The following PCNX2 variants were observed in gnomAD, a reference collection of about 807,000 sequenced individuals.
PCNX2 encodes the protein pecanex 2.
Under a neutral mutation model 223.8 loss-of-function variants are expected in PCNX2, and 168 were observed. The observed-to-expected ratio is 0.75, with a 90% CI of 0.66 to 0.85. PCNX2 has a LOEUF of 0.85. Among genes scored for constraint, PCNX2 ranks in the 40% least tolerant of loss-of-function variants. PCNX2 has a pLI of 0.00. For synonymous variants in PCNX2, 1,006 were observed against 1,052.6 expected (o/e 0.96, Z 0.86); for missense variants, 2,507 against 2,675.5 (o/e 0.94, Z 1.39).
intron 25 of PCNX2, among the ~76,000 whole-genome samples, chr1:233,050,185 T>G (rs1436138204): frequency 6.6e-6 from 1 of 152,048 alleles, no homozygotes; most frequent in Admixed American, 6.5e-5. Flanking sequence ...CGTGTATATC[T>G]ATGTAACAAA....
At chr1:233,098,951 T>C (rs1571865380) in intron 21 of PCNX2, among the ~76,000 whole-genome samples, 1 of 152,204 alleles carries the variant, frequency 6.6e-6, no homozygotes, top group Non-Finnish European at 1.5e-5. Context: ...GTTTGATAAA[T>C]GTTAGGACAA....
intron 23 of PCNX2, among the ~76,000 whole-genome samples, chr1:233,066,963 AC>A (rs750113638): frequency 4.1e-4 from 62 of 151,914 alleles, no homozygotes; most frequent in Non-Finnish European, 7.5e-4. Flanking sequence ...CTGAACTCCC[AC>A]CCCCTATCAA....
At chr1:233,170,465 G>C (rs1009122532) in intron 17 of PCNX2, among the ~76,000 whole-genome samples, 5 of 152,108 alleles carry the variant, frequency 3.3e-5, no homozygotes, top group African/African-American at 1.2e-4. Flanking sequence ...GTATGTACAA[G>C]TCTTCTGCCT....
rs555925090 is a variant in PCNX2, at chr1:233,063,509, C to A, written c.4077-6219G>T. ...GTATAGAATTCTTCTATTGGTCATA[C>A]ATACTGTTATTAATTAGTATCCATT... On this transcript the variant is annotated intron_variant, in intron 23 of 33. Coordinates refer to ENST00000258229, the MANE Select transcript of PCNX2 (RefSeq NM_014801.4). Among the ~76,000 whole-genome samples, 4 of 152,192 alleles carry A rather than the reference C, an allele frequency of 2.6e-5. No homozygotes were observed. In the South Asian group the frequency reaches 8.3e-4, roughly 32 times the overall value.
At position 233,232,421 on chromosome 1, in the gene PCNX2, T is replaced by C. The variant is rs1183435245; in HGVS notation, c.2358+4424A>G. On this transcript the variant is annotated intron_variant, in intron 9 of 33. Transcript: ENST00000258229. ...TATTCAGTAGGTTAGATGTATTAAATGCATTTTCAACTTACGATATTTTCA... is the reference window on the plus strand; with the variant it reads ...TATTCAGTAGGTTAGATGTATTAAACGCATTTTCAACTTACGATATTTTCA... 2.6e-5 allele frequency among the ~76,000 whole-genome samples: 4 copies of C among 152,344 alleles called. No individual in the cohort carries two copies. The East Asian group carries it at 7.7e-4, about 29-fold the overall frequency.
At position 233,294,997 on chromosome 1, in the gene PCNX2, C is replaced by A. The variant is rs533157594; in HGVS notation, c.153+329G>T. On this transcript the variant is annotated intron_variant, in intron 1 of 33. Coordinates refer to ENST00000258229, the MANE Select transcript of PCNX2 (RefSeq NM_014801.4). ...CACACCAAACATTATCCCAAGCTAC[C>A]CAGCTCTAAGGCCTAGAGTTACCCA... Among the ~76,000 whole-genome samples, 8 of 152,204 alleles carry A rather than the reference C, an allele frequency of 5.3e-5. No individual in the cohort carries two copies. In the South Asian group the frequency reaches 1.7e-3, roughly 32 times the overall value.
chr1:233,207,134 G>A (rs529684680), intron 13 of PCNX2, among the ~76,000 whole-genome samples: 3 of 152,256 alleles, frequency 2.0e-5, no homozygotes, highest in African/African-American at 7.2e-5. Flanking sequence ...CACTGGGGGA[G>A]TAAGAATGAA....
intron 15 of PCNX2, among the ~76,000 whole-genome samples, chr1:233,186,901 A>G (rs1349648141): frequency 6.6e-6 from 1 of 152,208 alleles, no homozygotes; most frequent in Non-Finnish European, 1.5e-5. Flanking sequence ...ACACACACAC[A>G]CACACACAAA....
chr1:233,292,557 C>T (rs1180412949), intron 1 of PCNX2, among the ~76,000 whole-genome samples: 1 of 152,260 alleles, frequency 6.6e-6, no homozygotes, highest in South Asian at 2.1e-4. Flanking sequence ...AAAAAGAAAA[C>T]AGAAAAGTTC....
intron 22 of PCNX2, 21 bp from the exon 23 acceptor site, chr1:233,090,211 CAAA>C: frequency 1.5e-6 from 2 of 1,333,164 alleles, no homozygotes; most frequent in Admixed American, 2.3e-5. Context: ...TGAGTTAAGG[CAAA>C]AAAAAAAATT....
intron 19 of PCNX2, among the ~76,000 whole-genome samples, chr1:233,157,106 A>G (rs1314820363): frequency 1.3e-5 from 2 of 152,196 alleles, no homozygotes; most frequent in East Asian, 3.9e-4. Flanking sequence ...GAAGCCTGGT[A>G]GTGTTAGCAT....
chr1:232,994,857 G>T (rs185821211), intron 32 of PCNX2, among the ~76,000 whole-genome samples: 1 of 152,104 alleles, frequency 6.6e-6, no homozygotes, highest in Non-Finnish European at 1.5e-5. Flanking sequence ...TCCCCTTCAC[G>T]TTCCACCATA....
intron 1 of PCNX2, among the ~76,000 whole-genome samples, chr1:233,293,292 A>G (rs1448832780): frequency 6.6e-6 from 1 of 152,242 alleles, no homozygotes; most frequent in African/African-American, 2.4e-5. Context: ...GAAATATTCA[A>G]AAAGTATAGT....
intron 25 of PCNX2, among the ~76,000 whole-genome samples, chr1:233,042,681 G>C (rs972473895): frequency 1.3e-5 from 2 of 152,146 alleles, no homozygotes; most frequent in Non-Finnish European, 2.9e-5. Flanking sequence ...AAGAAACTTA[G>C]GAATCACACT....
intron 27 of PCNX2, among the ~76,000 whole-genome samples, chr1:233,015,701 A>T (rs562188901): frequency 1.3e-5 from 2 of 149,226 alleles, no homozygotes; most frequent in South Asian, 2.1e-4. Flanking sequence ...TCAAAAAAAT[A>T]AAAAAATAAA....
chr1:233,280,266 TG>T (rs1170320429), intron 1 of PCNX2, among the ~76,000 whole-genome samples: 1 of 151,680 alleles, frequency 6.6e-6, no homozygotes, highest in African/African-American at 2.4e-5. Flanking sequence ...TTCTTGAGAA[TG>T]GTTATTTATT....
At chr1:233,085,331 CA>C (rs11324686) in intron 23 of PCNX2, among the ~76,000 whole-genome samples, 71,827 of 131,862 alleles carry the variant, frequency 0.54, 18,170 homozygotes, top group Non-Finnish European at 0.59. Context: ...GACTCCGTCT[CA>C]AAAAAAAAAA....
At chr1:233,287,580 C>T (rs1419821311) in intron 1 of PCNX2, among the ~76,000 whole-genome samples, 1 of 152,188 alleles carries the variant, frequency 6.6e-6, no homozygotes, top group Non-Finnish European at 1.5e-5. Context: ...TTGCCTTGTG[C>T]CATGACTGTG....
At chr1:233,073,057 T>C (rs970701882) in intron 23 of PCNX2, among the ~76,000 whole-genome samples, 6 of 152,328 alleles carry the variant, frequency 3.9e-5, no homozygotes, top group Admixed American at 3.9e-4. Flanking sequence ...GATTAATTCT[T>C]TTTATTATAC....
Sources: gnomAD v4.1 joint callset for allele counts (sites outside exome capture counted in the v4.1 genomes callset) on GRCh38, gnomAD v4.1.1 for gene constraint, MANE v1.5 for transcripts, NCBI Gene and HGNC (gene_info 2026-07-23, HGNC 2026-07-21) for gene names.